COL13A1: variants seen among roughly 807,000 people sequenced by gnomAD.
COL13A1 encodes the protein collagen type XIII alpha 1 chain, also known as collagen alpha-1(XIII) chain.
A neutral mutation model predicts 130.9 loss-of-function variants in COL13A1; 89 were observed. That is an observed-to-expected ratio of 0.68 (90% CI 0.57 to 0.81). The LOEUF (loss-of-function observed/expected upper bound fraction) is 0.81, where lower values mean the gene tolerates loss of function less well. COL13A1 is among the 30% of genes least tolerant of loss of function. The probability of loss-of-function intolerance (pLI) is 0.00; values close to 1 mark genes in which losing one functional copy is unlikely to be tolerated. For synonymous variants in COL13A1, 402 were observed against 341.6 expected, an observed-to-expected ratio of 1.18 and a Z score of -1.95; for missense variants, 879 against 934.6, an observed-to-expected ratio of 0.94 and a Z score of 0.78.
chr10:69,884,803 G>A lies in COL13A1; in HGVS notation c.514-2653G>A, dbSNP rs565267912. The stretch of plus-strand genomic sequence containing the variant: ...ACGAAATTCTACTAGATATCAAAAT[G>A]TATTACAAAAACAGGACAATCTAAG... On this transcript the variant is annotated intron_variant, in intron 7 of 40. Coordinates refer to ENST00000645393, the MANE Select transcript of COL13A1 (RefSeq NM_001368882.1). Among the ~76,000 whole-genome samples, 32 of 152,280 alleles carry A rather than the reference G, an allele frequency of 2.1e-4. 1 individual carries two copies. The South Asian group carries it at 5.6e-3, about 27-fold the overall frequency.
intron 39 of COL13A1, chr10:69,956,322 A>G (rs3750776): frequency 0.07 from 10,654 of 152,356 alleles, 481 homozygotes; most frequent in East Asian, 0.15. Flanking sequence ...GCTACCAACA[A>G]AGGAGACCGA....
intron 2 of COL13A1, among the ~76,000 whole-genome samples, chr10:69,833,221 G>A (rs961363123): frequency 4.6e-5 from 7 of 152,216 alleles, no homozygotes; most frequent in African/African-American, 1.7e-4. Context: ...CACCTGCCCT[G>A]TGAGGGTGGA....
At chr10:69,894,364 C>T (rs2061446470) in intron 10 of COL13A1, among the ~76,000 whole-genome samples, 188 bp from the exon 11 acceptor site, 2 of 152,226 alleles carry the variant, frequency 1.3e-5, no homozygotes, top group Admixed American at 6.5e-5. Flanking sequence ...CCTAGTCCTG[C>T]CCACTGGGGG....
intron 2 of COL13A1, among the ~76,000 whole-genome samples, chr10:69,828,147 C>G (rs761845997): frequency 6.6e-6 from 1 of 152,130 alleles, no homozygotes. Flanking sequence ...TAAAGCAGAT[C>G]CCCTGGGGCC....
At chr10:69,875,254 C>T (rs2059464057) in intron 5 of COL13A1, 91 bp downstream of exon 5, 2 of 1,525,672 alleles carry the variant, frequency 1.3e-6, no homozygotes, top group South Asian at 2.3e-5. Context: ...TGCTGTCTAT[C>T]CCAGGCCCAA....
chr10:69,824,476 A>G (rs1792136093), intron 2 of COL13A1, among the ~76,000 whole-genome samples: 1 of 152,270 alleles, frequency 6.6e-6, no homozygotes, highest in African/African-American at 2.4e-5. Context: ...AGGCTCAGGT[A>G]GTCCTGGGAG....
intron 31 of COL13A1, among the ~76,000 whole-genome samples, chr10:69,933,491 G>A (rs776650044): frequency 2.6e-5 from 4 of 152,154 alleles, no homozygotes; most frequent in Non-Finnish European, 4.4e-5. Context: ...TCAAGGATGC[G>A]TGAGAGACAG....
intron 2 of COL13A1, among the ~76,000 whole-genome samples, chr10:69,855,778 G>GGGAGGGATGCAAGAGGGAGGGATGCAAGA (rs1554900907): frequency 6.7e-6 from 1 of 148,284 alleles, no homozygotes; most frequent in African/African-American, 2.5e-5. Context: ...CAGTAGAAGG[G>GGGAGGGATGCAAGAGGGAGGGATGCAAGA]GGGAGGGATG....
chr10:69,900,040 C>T (rs959341534), intron 14 of COL13A1, among the ~76,000 whole-genome samples: 33 of 152,208 alleles, frequency 2.2e-4, no homozygotes, highest in African/African-American at 7.0e-4. Context: ...TATCTCATTA[C>T]GCCTGGCCAA....
chr10:69,867,868 G>A, intron 3 of COL13A1, 63 bp downstream of exon 3: 1 of 717,386 alleles, frequency 1.4e-6, no homozygotes, highest in Non-Finnish European at 2.6e-6. Context: ...TGGTAACGGG[G>A]TTCTGGGTGG....
intron 7 of COL13A1, among the ~76,000 whole-genome samples, chr10:69,882,644 C>T (rs1209476206): frequency 1.3e-5 from 2 of 152,232 alleles, no homozygotes; most frequent in African/African-American, 4.8e-5. Flanking sequence ...AGGTTATCCT[C>T]ATCCCAAAGC....
intron 38 of COL13A1, among the ~76,000 whole-genome samples, chr10:69,951,128 C>T (rs769913018): frequency 6.6e-6 from 1 of 152,128 alleles, no homozygotes; most frequent in African/African-American, 2.4e-5. Context: ...GGATTACAGA[C>T]ATGAGCCACT....
At chr10:69,929,054 G>A in intron 28 of COL13A1, 55 bp downstream of exon 28, 1 of 1,386,384 alleles carries the variant, frequency 7.2e-7, no homozygotes, top group Non-Finnish European at 1.0e-6. Flanking sequence ...TCGACCCCAG[G>A]GCTTCCCCTC....
At chr10:69,874,748 G>A (rs72805158) in intron 4 of COL13A1, among the ~76,000 whole-genome samples, 25,278 of 152,140 alleles carry the variant, frequency 0.17, 2,164 homozygotes, top group Middle Eastern at 0.22. Flanking sequence ...TCTGTGCCTT[G>A]AAGTTGCGTT....
At chr10:69,808,382 C>A (rs972372167) in intron 1 of COL13A1, among the ~76,000 whole-genome samples, 40 of 152,336 alleles carry the variant, frequency 2.6e-4, no homozygotes, top group African/African-American at 9.1e-4. Flanking sequence ...CTTCCTGTTG[C>A]TCTTCCTAGG....
At chr10:69,934,731 G>C (rs1188455162) in intron 31 of COL13A1, among the ~76,000 whole-genome samples, 1 of 152,242 alleles carries the variant, frequency 6.6e-6, no homozygotes, top group African/African-American at 2.4e-5. Context: ...AGCACAATCT[G>C]CATCTGCTCT....
In COL13A1 at chr10:69,937,683, GA is replaced by G; in HGVS notation, c.1851del (p.Gly618GlufsTer47). On this transcript the variant is annotated frameshift_variant, in exon 34 of 41. Coordinates refer to ENST00000645393, the MANE Select transcript of COL13A1 (RefSeq NM_001368882.1). LOFTEE classifies it high-confidence loss of function. ...AAAAGGAGAGAAAGGCTTCCAGGGA[GA>G]AAAAGGAGACCGTGGTCCCCTGGGA... is the stretch of plus-strand genomic sequence containing the variant. ...GAKGEKGFQG[E>X]KGDRGPLGLP... 14 of 1,587,566 alleles carry G rather than the reference GA, an allele frequency of 8.8e-6. No individual in the cohort carries two copies. Among genetic ancestry groups the G allele is most frequent in the Non-Finnish European group, 1.2e-5 (14 of 1,155,824 alleles).
chr10:69,958,956 T>G lies in COL13A1; in HGVS notation c.*255T>G. 1.9e-6 allele frequency: 1 copy of G among 519,248 alleles called. No individual in the cohort carries two copies. The highest frequency in any genetic ancestry group is 3.3e-6 in the Non-Finnish European group (1 of 299,990). The allele number at this position is 519,248 out of a possible 1,614,324, so 32.2% of individuals were successfully genotyped here. On this transcript the variant is annotated 3_prime_UTR_variant, in exon 41 of 41. Coordinates refer to ENST00000645393, the MANE Select transcript of COL13A1 (RefSeq NM_001368882.1). ...CTGCATGATATTTGTGCACATTTAT[T>G]AAGTATCGAAGCTTAATAAATTATT...
chr10:69,957,055 A>G lies in COL13A1; in HGVS notation c.2184+13A>G, dbSNP rs1161892014. ...CTGCTGGAACAAGGTAAGGCTTCCC[A>G]TTGGTGTGCACTGGGGCTCCGTTCT... On this transcript the variant is annotated intron_variant, in intron 40 of 40. Transcript: ENST00000645393. The G allele has an allele frequency of 6.2e-7, 1 of 1,611,354 alleles. No individual in the cohort carries two copies. The highest frequency in any genetic ancestry group is 1.7e-5 in the Admixed American group (1 of 60,006).
Sources: allele counts gnomAD v4.1 joint callset (sites outside exome capture counted in the v4.1 genomes callset), GRCh38; gene constraint gnomAD v4.1.1; transcripts MANE v1.5; gene names NCBI Gene and HGNC (gene_info 2026-07-23, HGNC 2026-07-21).